SEMA4A: variants seen among roughly 807,000 people sequenced by gnomAD.
The protein encoded by SEMA4A is semaphorin-4A.
A neutral mutation model predicts 72.5 loss-of-function variants in SEMA4A; 52 were observed. The observed-to-expected ratio is 0.72, with a 90% CI of 0.57 to 0.90. The LOEUF (loss-of-function observed/expected upper bound fraction) is 0.90, where lower values mean the gene tolerates loss of function less well. Among genes scored for constraint, SEMA4A ranks in the 40% least tolerant of loss-of-function variants. SEMA4A has a pLI of 0.00. For missense variants in SEMA4A, 926 were observed against 959.7 expected (o/e 0.96, Z 0.46); for synonymous variants, 369 against 393.1 (o/e 0.94, Z 0.73).
chr1:156,159,724 T>G (rs2102951728), intron 6 of SEMA4A, among the ~76,000 whole-genome samples: 1 of 151,856 alleles, frequency 6.6e-6, no homozygotes, highest in East Asian at 1.9e-4. Flanking sequence ...GCTTGGGCAA[T>G]AGTATAGTGA....
chr1:156,176,341 ACT>A (rs1655325949), intron 14 of SEMA4A, 62 bp from the exon 15 acceptor site: 18 of 1,242,626 alleles, frequency 1.4e-5, no homozygotes, highest in Non-Finnish European at 2.1e-5. Flanking sequence ...TAGGTTAGAG[ACT>A]CTCTCCTGTC....
In SEMA4A at chr1:156,156,384, A is replaced by T. The variant is rs1333333183; in HGVS notation, c.140-30A>T. ...TCAGCTGCCTGCCCACCAAGTCCTC[A>T]TCACTCTCTCTGTCTTACTCCTCCA... On this transcript the variant is annotated intron_variant, in intron 2 of 14. Transcript: ENST00000368285. 3 of 1,612,212 alleles carry T rather than the reference A, an allele frequency of 1.9e-6. 1 individual carries two copies. The South Asian group carries it at 3.3e-5, about 18-fold the overall frequency.
chr1:156,170,912 C>T (rs1006938501), intron 10 of SEMA4A, among the ~76,000 whole-genome samples: 2 of 151,788 alleles, frequency 1.3e-5, no homozygotes, highest in Admixed American at 6.6e-5. Flanking sequence ...CAGTGAGACC[C>T]TGTTTCAAAA....
intron 6 of SEMA4A, chr1:156,159,031 CAA>C (rs34840198): frequency 0.061 from 17,243 of 282,020 alleles, no homozygotes; most frequent in South Asian, 0.083. Flanking sequence ...GAGATCGTCT[CAA>C]AAAAAAAAAA....
intron 8 of SEMA4A, 26 bp from the exon 9 acceptor site, chr1:156,161,319 GC>G: frequency 2.7e-5 from 22 of 806,708 alleles, no homozygotes; most frequent in East Asian, 4.3e-5. Context: ...CGCCCGGGGC[GC>G]CCCCTGACTC....
At position 156,176,677 on chromosome 1, in the gene SEMA4A, A is replaced by T. The variant is rs754355004; in HGVS notation, c.1966A>T (p.Ile656Phe). 3.1e-6 allele frequency: 5 copies of T among 1,614,172 alleles called. No homozygotes were observed. Among genetic ancestry groups the T allele is most frequent in the Non-Finnish European group, 4.2e-6 (5 of 1,180,020 alleles). Residue 656 changes from isoleucine (I) to phenylalanine (F), a missense_variant, in exon 15 of 15, where the codon ATC becomes TTC. Transcript: ENST00000368285. ...GGCCCTGGATCCTGAACTGGCAGGC[A>T]TCCCCCGGGAGCATGTGAAGGTCCC... is the stretch of plus-strand genomic sequence containing the variant. ...TLALDPELAG[I>F]PREHVKVPLT...
chr1:156,147,649 C>T (rs1191284808), upstream of SEMA4A, among the ~76,000 whole-genome samples: 5 of 152,044 alleles, frequency 3.3e-5, no homozygotes, highest in African/African-American at 1.2e-4. Flanking sequence ...CTCCTCCCTC[C>T]ACTCCCCCAT....
intron 2 of SEMA4A, 88 bp from the exon 3 acceptor site, chr1:156,156,326 A>T: frequency 7.6e-7 from 1 of 1,318,954 alleles, no homozygotes; most frequent in Non-Finnish European, 1.1e-6. Context: ...CACTCAGGCA[A>T]CCCTTCCCCT....
Position 156,176,916 on chromosome 1 carries a change from C to T in SEMA4A, c.2205C>T (p.His735=), listed in dbSNP as rs966349084. ...GEKAPLSREQ[H]LQSPKECRTS... ...AGGCCCCGTTAAGCAGAGAGCAACA[C>T]CTCCAGTCTCCCAAGGAATGCAGGA... is the stretch of plus-strand genomic sequence containing the variant. Residue 735 remains histidine, a synonymous_variant, in exon 15 of 15, where the codon CAC becomes CAT. Coordinates refer to ENST00000368285, the MANE Select transcript of SEMA4A (RefSeq NM_022367.4). 1.2e-6 allele frequency: 2 copies of T among 1,614,246 alleles called. No homozygotes were observed. The highest frequency in any genetic ancestry group is 1.7e-6 in the Non-Finnish European group (2 of 1,180,050).
chr1:156,176,879 G>A lies in SEMA4A; in HGVS notation c.2168G>A (p.Arg723His), dbSNP rs758417711. The A allele has an allele frequency of 1.4e-5, 23 of 1,614,102 alleles. No homozygotes were observed. The highest frequency in any genetic ancestry group is 1.1e-4 in the South Asian group (10 of 91,090). ...AAGGTTCAGGGCTGTGAGACCCTGC[G>A]CCCTGGGGAGAAGGCCCCGTTAAGC... ...RGKVQGCETL[R>H]PGEKAPLSRE... is the part of the protein sequence containing the mutation. Residue 723 changes from arginine to histidine, a missense_variant, in exon 15 of 15, where the codon CGC becomes CAC. Transcript: ENST00000368285.
At chr1:156,175,296 G>T in intron 13 of SEMA4A, 53 bp downstream of exon 13, 1 of 1,557,066 alleles carries the variant, frequency 6.4e-7, no homozygotes. Context: ...ACCCTTCTCA[G>T]CCAGCTTCTG....
intron 8 of SEMA4A, 80 bp downstream of exon 8, chr1:156,161,109 C>A: frequency 6.6e-7 from 1 of 1,522,022 alleles, no homozygotes; most frequent in Non-Finnish European, 8.9e-7. Context: ...GAGTGGTGGG[C>A]CCCCAGTGAG....
At position 156,160,572 on chromosome 1, in the gene SEMA4A, C is replaced by T; in HGVS notation, c.685+13C>T. 1 of 1,603,112 alleles carries T rather than the reference C, an allele frequency of 6.2e-7. No individual in the cohort carries two copies. The highest frequency in any genetic ancestry group is 8.5e-7 in the Non-Finnish European group (1 of 1,170,064). On this transcript the variant is annotated intron_variant, in intron 7 of 14. Transcript: ENST00000368285. Reference sequence around the variant, plus strand: ...CGCTGGCTGCATCGTAAGGACCTGACCCCCGCTGGCCTCCTTTCCTGAGTC... The same window carrying T: ...CGCTGGCTGCATCGTAAGGACCTGATCCCCGCTGGCCTCCTTTCCTGAGTC...
chr1:156,161,130 C>T, intron 8 of SEMA4A, 101 bp downstream of exon 8: 1 of 758,166 alleles, frequency 1.3e-6, no homozygotes, highest in Non-Finnish European at 1.9e-6. Context: ...AGCGGGGGAG[C>T]GGGGCGGGGA....
At chr1:156,151,979 C>G (rs771107720), upstream of SEMA4A, among the ~76,000 whole-genome samples, 3 of 152,096 alleles carry the variant, frequency 2.0e-5, no homozygotes, top group African/African-American at 4.8e-5. Flanking sequence ...CCCAGCCCAC[C>G]CTTGCCTTCT....
chr1:156,161,658 A>G, intron 9 of SEMA4A, 140 bp downstream of exon 9: 1 of 805,454 alleles, frequency 1.2e-6, no homozygotes, highest in Non-Finnish European at 2.0e-6. Flanking sequence ...AATCGTCACC[A>G]CCTCTCAGGA....
intron 6 of SEMA4A, 108 bp from the exon 7 acceptor site, chr1:156,160,335 G>C: frequency 1.2e-6 from 1 of 862,814 alleles, no homozygotes. Flanking sequence ...AACTGATGCA[G>C]GGCCCCCGAG....
chr1:156,156,221 C>T (rs1244127995), intron 2 of SEMA4A, 193 bp from the exon 3 acceptor site: 6 of 632,692 alleles, frequency 9.5e-6, no homozygotes, highest in Non-Finnish European at 1.7e-5. Context: ...CTCTCTACTG[C>T]GGGCTCAGCA....
chr1:156,173,033 C>A (rs1489745673), intron 11 of SEMA4A, 27 bp downstream of exon 11: 1 of 1,608,786 alleles, frequency 6.2e-7, no homozygotes, highest in Non-Finnish European at 8.5e-7. Context: ...GGGACATCCC[C>A]CAGAGGACTA....
Sources: allele counts gnomAD v4.1 joint callset (sites outside exome capture counted in the v4.1 genomes callset), GRCh38; gene constraint gnomAD v4.1.1; transcripts MANE v1.5; gene names NCBI Gene and HGNC (gene_info 2026-07-23, HGNC 2026-07-21).